ZNF892: variants seen among roughly 807,000 people sequenced by gnomAD.
ZNF892 encodes zinc finger protein 892, also known as zinc finger protein 570-like.
At chr2:95,207,501 C>T in the ZNF892 span, 1 of 279,574 alleles carries the variant, frequency 3.6e-6, no homozygotes, top group African/African-American at 2.2e-5. Flanking sequence ...CCGCGCCCCG[C>T]GGAGGATTCT....
chr2:95,225,453 C>T, the ZNF892 span, among the ~76,000 whole-genome samples: 3 of 152,182 alleles, frequency 2.0e-5, no homozygotes, highest in African/African-American at 7.2e-5. Flanking sequence ...GTAAGAGAGA[C>T]AGCAAGAGGA....
At chr2:95,207,328 C>T in the ZNF892 span, among the ~76,000 whole-genome samples, 1 of 152,224 alleles carries the variant, frequency 6.6e-6, no homozygotes, top group Non-Finnish European at 1.5e-5. Context: ...CCAGAGTCGG[C>T]ACCGAGGGAG....
At chr2:95,209,285 G>A in the ZNF892 span, among the ~76,000 whole-genome samples, 1 of 152,170 alleles carries the variant, frequency 6.6e-6, no homozygotes, top group Admixed American at 6.5e-5. Flanking sequence ...AAATGATGAG[G>A]GAGTTGGAGG....
the ZNF892 span, among the ~76,000 whole-genome samples, chr2:95,222,097 C>T: frequency 6.6e-6 from 1 of 152,108 alleles, no homozygotes; most frequent in East Asian, 1.9e-4. Context: ...CAACAAATTC[C>T]ACCTGTGCTG....
At chr2:95,262,676 G>C in the ZNF892 span, among the ~76,000 whole-genome samples, 1 of 152,164 alleles carries the variant, frequency 6.6e-6, no homozygotes, top group Non-Finnish European at 1.5e-5. Context: ...GAAGGAGCAG[G>C]GGTTGTTGAC....
At chr2:95,235,423 G>A in the ZNF892 span, among the ~76,000 whole-genome samples, 14 of 150,662 alleles carry the variant, frequency 9.3e-5, no homozygotes, top group South Asian at 2.1e-3. Context: ...GTGCAGTGGC[G>A]CAATCTCGGC....
At chr2:95,217,529 C>T in the ZNF892 span, among the ~76,000 whole-genome samples, 2 of 152,212 alleles carry the variant, frequency 1.3e-5, no homozygotes, top group Admixed American at 1.3e-4. Context: ...GGCAAAATTA[C>T]TCTGCAGCTG....
At chr2:95,249,231 A>ATTTTT in the ZNF892 span, among the ~76,000 whole-genome samples, 6 of 57,110 alleles carry the variant, frequency 1.1e-4, no homozygotes, top group Non-Finnish European at 9.0e-5. Flanking sequence ...ATATATATAT[A>ATTTTT]TTTTTTTTTT....
At chr2:95,263,330 C>T in the ZNF892 span, among the ~76,000 whole-genome samples, 2 of 152,184 alleles carry the variant, frequency 1.3e-5, no homozygotes, top group African/African-American at 4.8e-5. Context: ...CAACCCACAC[C>T]TTGATTTTAG....
the ZNF892 span, among the ~76,000 whole-genome samples, chr2:95,227,556 C>G: frequency 1.3e-5 from 2 of 151,482 alleles, no homozygotes; most frequent in Non-Finnish European, 2.9e-5. Flanking sequence ...ACTCTGGGCT[C>G]AAGTGATCAC....
chr2:95,214,680 G>A, the ZNF892 span: 1 of 405,824 alleles, frequency 2.5e-6, no homozygotes, highest in Non-Finnish European at 4.4e-6. Context: ...GAGAATTTGT[G>A]CAGGAAAGAA....
chr2:95,219,086 C>T, the ZNF892 span, among the ~76,000 whole-genome samples: 17 of 152,090 alleles, frequency 1.1e-4, no homozygotes, highest in Non-Finnish European at 1.8e-4. Context: ...GCAAGCTCCA[C>T]CTCCCAGGTT....
chr2:95,206,434 GTTGA>G, the ZNF892 span, among the ~76,000 whole-genome samples: 1 of 152,022 alleles, frequency 6.6e-6, no homozygotes, highest in African/African-American at 2.4e-5. Flanking sequence ...GAGGAAGGGA[GTTGA>G]TTAACTTTTA....
the ZNF892 span, among the ~76,000 whole-genome samples, chr2:95,223,884 G>A: frequency 6.6e-6 from 1 of 152,264 alleles, no homozygotes; most frequent in African/African-American, 2.4e-5. Context: ...AAATTCATAA[G>A]TTGCAATCCT....
the ZNF892 span, among the ~76,000 whole-genome samples, chr2:95,217,357 G>GC: frequency 6.6e-6 from 1 of 152,056 alleles, no homozygotes; most frequent in East Asian, 1.9e-4. Context: ...TTCCACCCCA[G>GC]CCCCCCACCG....
the ZNF892 span, among the ~76,000 whole-genome samples, chr2:95,245,901 G>A: frequency 2.6e-5 from 4 of 152,014 alleles, no homozygotes; most frequent in Non-Finnish European, 2.9e-5. Context: ...AAAAGCCCAG[G>A]ACCAGACATA....
the ZNF892 span, among the ~76,000 whole-genome samples, chr2:95,229,307 G>A: frequency 6.6e-6 from 1 of 152,172 alleles, no homozygotes; most frequent in Middle Eastern, 3.2e-3. Context: ...TTCGTAACAT[G>A]TATAGATCTT....
At chr2:95,246,001 C>T in the ZNF892 span, among the ~76,000 whole-genome samples, 1 of 152,174 alleles carries the variant, frequency 6.6e-6, no homozygotes, top group Non-Finnish European at 1.5e-5. Context: ...AGGGACTCCT[C>T]CCTAACTCAT....
chr2:95,212,150 A>G, the ZNF892 span: 1 of 398,264 alleles, frequency 2.5e-6, no homozygotes, highest in African/African-American at 2.1e-5. Context: ...GGGAATGAAC[A>G]CTGAGGTCTT....
Sources: allele counts gnomAD v4.1 joint callset (sites outside exome capture counted in the v4.1 genomes callset), GRCh38; gene constraint gnomAD v4.1.1; transcripts MANE v1.5; gene names NCBI Gene and HGNC (gene_info 2026-07-23, HGNC 2026-07-21).